DGCR2: variants seen among roughly 807,000 people sequenced by gnomAD.
The protein encoded by DGCR2 is integral membrane protein DGCR2/IDD.
In DGCR2, 24 loss-of-function variants were observed where a neutral mutation model predicts 51.6. That is an observed-to-expected ratio of 0.47 (90% confidence interval 0.34 to 0.65). The LOEUF (loss-of-function observed/expected upper bound fraction) is 0.65. Among genes scored for constraint, DGCR2 ranks in the 30% least tolerant of loss-of-function variants. DGCR2 has a pLI of 0.01. For synonymous variants in DGCR2, 340 were observed against 315.4 expected (o/e 1.08, Z -0.82); for missense variants, 765 against 772.1 (o/e 0.99, Z 0.11).
intron 1 of DGCR2, among the ~76,000 whole-genome samples, chr22:19,096,364 A>G (rs2083139580): frequency 6.6e-6 from 1 of 152,208 alleles, no homozygotes; most frequent in Non-Finnish European, 1.5e-5. Flanking sequence ...GAGGTGAGAA[A>G]AAGAGGTTGG....
Position 19,038,186 on chromosome 22 carries a change from CCA to C in DGCR2, c.*677_*678del, listed in dbSNP as rs2082391307. 6.6e-6 allele frequency: 1 copy of C among 152,546 alleles called. No homozygotes were observed. Among genetic ancestry groups the C allele is most frequent in the African/African-American group, 2.4e-5 (1 of 41,462 alleles). The allele number at this position is 152,546 out of a possible 1,614,324, so 9.4% of individuals were successfully genotyped here. On this transcript the variant is annotated 3_prime_UTR_variant, in exon 10 of 10. Coordinates refer to ENST00000263196, the MANE Select transcript of DGCR2 (RefSeq NM_005137.3). The stretch of plus-strand genomic sequence containing the variant: ...CTGCCACAGAGCTGGGCTGCAGAGC[CCA>C]GATGGAAAGACACAGTGAAGAGCTC...
At chr22:19,110,877 C>A (rs2083307228) in intron 1 of DGCR2, among the ~76,000 whole-genome samples, 1 of 152,168 alleles carries the variant, frequency 6.6e-6, no homozygotes, top group Non-Finnish European at 1.5e-5. Flanking sequence ...AAAAAGACAT[C>A]ACATCTCATG....
At chr22:19,043,303 G>C (rs757590806) in intron 7 of DGCR2, among the ~76,000 whole-genome samples, 3 of 152,232 alleles carry the variant, frequency 2.0e-5, no homozygotes, top group Non-Finnish European at 2.9e-5. Flanking sequence ...CACAGTATCT[G>C]GTCCAAATGT....
intron 6 of DGCR2, among the ~76,000 whole-genome samples, chr22:19,053,673 A>C (rs2146319999): frequency 6.6e-6 from 1 of 152,340 alleles, no homozygotes; most frequent in East Asian, 1.9e-4. Context: ...TGAAAAGCCT[A>C]GAAAAAAGTA....
intron 5 of DGCR2, among the ~76,000 whole-genome samples, chr22:19,059,293 G>A (rs1048262408): frequency 2.0e-5 from 3 of 152,158 alleles, no homozygotes; most frequent in South Asian, 2.1e-4. Flanking sequence ...ATCGGGTGAC[G>A]GATGATTGGG....
At chr22:19,074,122 A>G (rs1449248899) in intron 2 of DGCR2, among the ~76,000 whole-genome samples, 8 of 152,204 alleles carry the variant, frequency 5.3e-5, no homozygotes, top group Non-Finnish European at 1.0e-4. Context: ...ACGGCTTGGC[A>G]ATTTCTTAAA....
chr22:19,065,792 T>C (rs967452634), intron 3 of DGCR2: 1 of 152,278 alleles, frequency 6.6e-6, no homozygotes, highest in Non-Finnish European at 1.5e-5. Context: ...ATAGAATCTT[T>C]AACCTTCAAA....
At chr22:19,069,287 C>A (rs2082786366) in intron 2 of DGCR2, among the ~76,000 whole-genome samples, 1 of 152,216 alleles carries the variant, frequency 6.6e-6, no homozygotes, top group South Asian at 2.1e-4. Flanking sequence ...TGAACCTGAA[C>A]CGGCAGTCAG....
chr22:19,048,380 C>T lies in DGCR2; in HGVS notation c.1006+60G>A, dbSNP rs1035013016. Reference sequence around the variant, plus strand: ...CCTCACCACTGAGGAAGCAAAGGGACGCCCAGCCTCCAGCCCCAAATAGGG... The same window carrying T: ...CCTCACCACTGAGGAAGCAAAGGGATGCCCAGCCTCCAGCCCCAAATAGGG... On this transcript the variant is annotated intron_variant, in intron 7 of 9. Coordinates refer to ENST00000263196, the MANE Select transcript of DGCR2 (RefSeq NM_005137.3). The T allele has an allele frequency of 5.7e-6, 9 of 1,586,148 alleles. No homozygotes were observed. In the South Asian group the frequency reaches 7.7e-5, roughly 14 times the overall value.
intron 2 of DGCR2, among the ~76,000 whole-genome samples, chr22:19,080,503 C>G (rs543857671): frequency 2.3e-4 from 35 of 152,326 alleles, no homozygotes; most frequent in Non-Finnish European, 3.7e-4. Flanking sequence ...AAAACAGCCA[C>G]ATGTGACTCA....
chr22:19,056,453 C>T (rs1020111426), intron 6 of DGCR2: 69 of 540,890 alleles, frequency 1.3e-4, no homozygotes, highest in Non-Finnish European at 5.8e-5. Context: ...CGCCATCCTG[C>T]GAAGCCAGAA....
At chr22:19,044,001 T>C (rs149825177) in intron 7 of DGCR2, among the ~76,000 whole-genome samples, 2 of 152,352 alleles carry the variant, frequency 1.3e-5, no homozygotes, top group African/African-American at 2.4e-5. Context: ...GAAAGCCTAG[T>C]GGCCCAGGGA....
chr22:19,114,015 C>A (rs895791354), intron 1 of DGCR2, among the ~76,000 whole-genome samples: 1 of 144,524 alleles, frequency 6.9e-6, no homozygotes, highest in Admixed American at 7.2e-5. Flanking sequence ...GCTGAGATTG[C>A]ACCACTGCAC....
chr22:19,057,323 A>T lies in DGCR2; in HGVS notation c.626-161T>A, dbSNP rs2082614982. Among the ~76,000 whole-genome samples, 1 of 152,170 alleles carries T rather than the reference A, an allele frequency of 6.6e-6. No individual in the cohort carries two copies. The highest frequency in any genetic ancestry group is 6.5e-5 in the Admixed American group (1 of 15,284). On this transcript the variant is annotated intron_variant, in intron 5 of 9. Coordinates refer to ENST00000263196, the MANE Select transcript of DGCR2 (RefSeq NM_005137.3). This position sits in a 1 kb window ranked among gnomAD's most constrained non-coding sequence, Gnocchi z 5.1. The stretch of plus-strand genomic sequence containing the variant: ...GCCAGGTGTTCACTCGGGACTCCCC[A>T]ACCTCCTGGGAGTCACCCCAGGTGC...
At chr22:19,118,665 G>T (rs566292333) in intron 1 of DGCR2, among the ~76,000 whole-genome samples, 1 of 152,322 alleles carries the variant, frequency 6.6e-6, no homozygotes, top group East Asian at 1.9e-4. Context: ...CTGAGCACAG[G>T]CCCTGTACAG....
chr22:19,059,923 G>C (rs905018886), intron 5 of DGCR2, among the ~76,000 whole-genome samples: 26 of 152,112 alleles, frequency 1.7e-4, no homozygotes, highest in Non-Finnish European at 2.9e-4. Context: ...GAGTGGTGGG[G>C]AGACCTTCAC....
At chr22:19,094,112 AG>A (rs1239772649) in intron 1 of DGCR2, among the ~76,000 whole-genome samples, 2 of 152,270 alleles carry the variant, frequency 1.3e-5, no homozygotes, top group African/African-American at 4.8e-5. Flanking sequence ...CTCAACGTCT[AG>A]TCATTAAGGA....
intron 4 of DGCR2, 59 bp from the exon 5 acceptor site, chr22:19,063,337 T>A: frequency 1.3e-6 from 2 of 1,524,222 alleles, no homozygotes; most frequent in Non-Finnish European, 9.1e-7. Flanking sequence ...CAACCATCAA[T>A]GACTGTGTGT....
chr22:19,041,799 G>A lies in DGCR2; in HGVS notation c.1159+8C>T. ...GGACCAGGGTTGTGGCCCTCAGAGG[G>A]CACTTACAGTTTGCTCCAATCAGGG... On this transcript the variant is annotated splice_region_variant and intron_variant, in intron 8 of 9. Transcript: ENST00000263196. The A allele has an allele frequency of 6.2e-7, 1 of 1,610,822 alleles. No homozygotes were observed. Among genetic ancestry groups the A allele is most frequent in the Non-Finnish European group, 8.5e-7 (1 of 1,179,186 alleles).
Sources: gnomAD v4.1 joint callset for allele counts (sites outside exome capture counted in the v4.1 genomes callset) on GRCh38, gnomAD v4.1.1 for gene constraint, Gnocchi (gnomAD v3.1) non-coding constraint, MANE v1.5 for transcripts, NCBI Gene and HGNC (gene_info 2026-07-23, HGNC 2026-07-21) for gene names.